Variants in FBXL7 observed in about 807,000 individuals in gnomAD.
FBXL7 encodes the protein F-box/LRR-repeat protein 7.
Under a neutral mutation model 38.3 loss-of-function variants are expected in FBXL7, and 12 were observed. That is an observed-to-expected ratio of 0.31 (90% confidence interval 0.20 to 0.51). The LOEUF (loss-of-function observed/expected upper bound fraction) is 0.51. Ranked by LOEUF, FBXL7 falls within the 20% of genes least tolerant of loss-of-function variation. FBXL7 has a pLI of 0.98. For missense variants in FBXL7, 567 were observed against 676.4 expected (o/e 0.84, Z 1.79); for synonymous variants, 297 against 300.9 (o/e 0.99, Z 0.13).
chr5:15,755,946 A>G (rs917401674), intron 2 of FBXL7, among the ~76,000 whole-genome samples: 10 of 152,160 alleles, frequency 6.6e-5, no homozygotes, highest in Non-Finnish European at 1.3e-4. Context: ...CAGAGAGAGA[A>G]GAGAGAGACC....
At position 15,889,338 on chromosome 5, in the gene FBXL7, G is replaced by A. The variant is rs1159422611; in HGVS notation, c.128-38552G>A. Among the ~76,000 whole-genome samples, 3 of 152,320 alleles carry A rather than the reference G, an allele frequency of 2.0e-5. No individual in the cohort carries two copies. The East Asian group carries it at 5.8e-4, about 29-fold the overall frequency. On this transcript the variant is annotated intron_variant, in intron 2 of 3. Transcript: ENST00000504595. ...CTGGGATTAAGATTCCTTGCTGTGT[G>A]ACTTACCGGAGTGCTCGAACATGAC...
intron 1 of FBXL7, among the ~76,000 whole-genome samples, chr5:15,517,186 C>G (rs1240461776): frequency 1.3e-5 from 2 of 152,154 alleles, no homozygotes; most frequent in Non-Finnish European, 2.9e-5. Context: ...GCCACCATGT[C>G]CGGCTAACGT....
chr5:15,524,876 C>T (rs73751964), intron 1 of FBXL7, among the ~76,000 whole-genome samples: 3,792 of 152,014 alleles, frequency 0.025, 154 homozygotes, highest in African/African-American at 0.087. Flanking sequence ...GGCCTCTGGC[C>T]GGTGGAAAGA....
In FBXL7 at chr5:15,883,385, T is replaced by G. The variant is rs561202461; in HGVS notation, c.128-44505T>G. On this transcript the variant is annotated intron_variant, in intron 2 of 3. Coordinates refer to ENST00000504595, the MANE Select transcript of FBXL7 (RefSeq NM_012304.5). ...CCCATTCTTATTGAAAAATAGACTA[T>G]GAGATACTCGGTGGTTTCTAAACCC... Among the ~76,000 whole-genome samples, 7 of 152,314 alleles carry G rather than the reference T, an allele frequency of 4.6e-5. No homozygotes were observed. The East Asian group carries it at 1.3e-3, about 29-fold the overall frequency.
At chr5:15,730,768 C>T (rs1338554765) in intron 2 of FBXL7, among the ~76,000 whole-genome samples, 1 of 152,160 alleles carries the variant, frequency 6.6e-6, no homozygotes, top group Non-Finnish European at 1.5e-5. Flanking sequence ...TACAAAGGGA[C>T]AGTTTTCTGC....
intron 2 of FBXL7, among the ~76,000 whole-genome samples, chr5:15,825,564 A>C (rs1474378686): frequency 2.0e-5 from 3 of 152,228 alleles, no homozygotes; most frequent in Non-Finnish European, 2.9e-5. Flanking sequence ...GTGCGTTTGA[A>C]TAAAGTAGAC....
intron 2 of FBXL7, among the ~76,000 whole-genome samples, chr5:15,822,673 T>G (rs1161236774): frequency 6.7e-6 from 1 of 148,904 alleles, no homozygotes; most frequent in Non-Finnish European, 1.5e-5. Context: ...TATAGTAATA[T>G]CAGCCCACCC....
At chr5:15,536,448 C>T (rs1737586144) in intron 1 of FBXL7, among the ~76,000 whole-genome samples, 1 of 152,206 alleles carries the variant, frequency 6.6e-6, no homozygotes, top group Non-Finnish European at 1.5e-5. Flanking sequence ...GTGGAGATGC[C>T]TAAGGCCTTC....
chr5:15,785,785 T>G (rs1737118296), intron 2 of FBXL7, among the ~76,000 whole-genome samples: 1 of 152,238 alleles, frequency 6.6e-6, no homozygotes, highest in Admixed American at 6.5e-5. Context: ...TAGGACATTT[T>G]CCATCAAATC....
At chr5:15,605,794 A>G (rs1348771888) in intron 1 of FBXL7, among the ~76,000 whole-genome samples, 1 of 152,186 alleles carries the variant, frequency 6.6e-6, no homozygotes, top group Non-Finnish European at 1.5e-5. Context: ...CCTAAACCAG[A>G]TCTTGCTTCT....
chr5:15,575,508 T>C (rs1481305302), intron 1 of FBXL7, among the ~76,000 whole-genome samples: 1 of 152,212 alleles, frequency 6.6e-6, no homozygotes, highest in Admixed American at 6.5e-5. Flanking sequence ...AGTTCTGTTG[T>C]GTTAGAGGCA....
chr5:15,544,559 C>G (rs1337931394), intron 1 of FBXL7, among the ~76,000 whole-genome samples: 5 of 150,662 alleles, frequency 3.3e-5, no homozygotes, highest in African/African-American at 1.2e-4. Context: ...CTGTACATTA[C>G]ACACACACAC....
intron 2 of FBXL7, among the ~76,000 whole-genome samples, chr5:15,684,968 A>C (rs929389175): frequency 1.3e-5 from 2 of 152,180 alleles, no homozygotes; most frequent in African/African-American, 4.8e-5. Context: ...TGGGGAGAAA[A>C]TTTTTGAAAT....
At chr5:15,612,237 TA>T (rs1255858719) in intron 1 of FBXL7, among the ~76,000 whole-genome samples, 1 of 152,114 alleles carries the variant, frequency 6.6e-6, no homozygotes, top group Non-Finnish European at 1.5e-5. Context: ...AAAAAAAGTC[TA>T]AACAGTTTCC....
chr5:15,529,510 C>T (rs1260884732), intron 1 of FBXL7, among the ~76,000 whole-genome samples: 4 of 151,960 alleles, frequency 2.6e-5, no homozygotes, highest in African/African-American at 9.7e-5. Flanking sequence ...CTCAGCCTCC[C>T]GAGTAGCTGG....
chr5:15,918,675 A>G (rs569607994), intron 2 of FBXL7, among the ~76,000 whole-genome samples: 1 of 152,218 alleles, frequency 6.6e-6, no homozygotes, highest in African/African-American at 2.4e-5. Flanking sequence ...TGTGACTGAT[A>G]TTACATGAGT....
At chr5:15,617,539 G>C (rs1740497310) in intron 2 of FBXL7, among the ~76,000 whole-genome samples, 1 of 152,020 alleles carries the variant, frequency 6.6e-6, no homozygotes, top group African/African-American at 2.4e-5. Context: ...TTTGCTCACT[G>C]CAACCTCTGC....
rs548238537 is a variant in FBXL7 at position 15,592,095 on chromosome 5, T to C, written c.38-23888T>C. Among the ~76,000 whole-genome samples, 4 of 152,276 alleles carry C rather than the reference T, an allele frequency of 2.6e-5. No homozygotes were observed. The South Asian group carries it at 6.2e-4, about 24-fold the overall frequency. ...ACTGAAGCATCTCAGAGACACATAA[T>C]AACCTTTGAGCTGAACAAGTCTACA... is the stretch of plus-strand genomic sequence containing the variant. On this transcript the variant is annotated intron_variant, in intron 1 of 3. Transcript: ENST00000504595.
intron 2 of FBXL7, among the ~76,000 whole-genome samples, chr5:15,904,927 T>G (rs1741319599): frequency 6.6e-6 from 1 of 152,152 alleles, no homozygotes; most frequent in Non-Finnish European, 1.5e-5. Flanking sequence ...ACATAAACGA[T>G]GAGCCAGAAT....
Sources: gnomAD v4.1 joint callset for allele counts (sites outside exome capture counted in the v4.1 genomes callset) on GRCh38, gnomAD v4.1.1 for gene constraint, MANE v1.5 for transcripts, NCBI Gene and HGNC (gene_info 2026-07-23, HGNC 2026-07-21) for gene names.